NTM: variants seen among roughly 807,000 people sequenced by gnomAD.
NTM encodes neurotrimin.
A neutral mutation model predicts 42.1 loss-of-function variants in NTM; 13 were observed. That is an observed-to-expected ratio of 0.31 (90% CI 0.20 to 0.49). The LOEUF is 0.49. NTM is among the 20% of genes least tolerant of loss of function. The pLI is 0.99. For synonymous variants in NTM, 187 were observed against 179.2 expected (o/e 1.04, Z -0.35); for missense variants, 373 against 452.8 (o/e 0.82, Z 1.60).
rs149063267 is a variant in NTM at position 131,689,930 on chromosome 11, C to G, written c.83-221634C>G. ...TTCTCATTTACACAGTTGGCTCCCT[C>G]GTCCACATATGATGAAATTCTATGG... On this transcript the variant is annotated intron_variant, in intron 1 of 8. Coordinates refer to ENST00000683400, the MANE Select transcript of NTM (RefSeq NM_001352005.2). Among the ~76,000 whole-genome samples the G allele has an allele frequency of 1.1e-3, 174 of 152,280 alleles. 4 individuals are homozygous for G. In the East Asian group the frequency reaches 0.03, roughly 26 times the overall value.
rs202113935 is a variant in NTM at position 132,103,355 on chromosome 11, G to A, written c.168-42927G>A. Among the ~76,000 whole-genome samples the A allele has an allele frequency of 4.6e-5, 7 of 152,296 alleles. No individual in the cohort carries two copies. In the East Asian group the frequency reaches 7.7e-4, roughly 17 times the overall value. On this transcript the variant is annotated intron_variant, in intron 2 of 8. Coordinates refer to ENST00000683400, the MANE Select transcript of NTM (RefSeq NM_001352005.2). Reference sequence around the variant, plus strand: ...CAGCCAATTTTCCCTTTGCTATTGCGCTGGCATTTCTAATCTCGGGCATTT... The same window carrying A: ...CAGCCAATTTTCCCTTTGCTATTGCACTGGCATTTCTAATCTCGGGCATTT...
chr11:132,223,144 A>G (rs2138890973), intron 4 of NTM, among the ~76,000 whole-genome samples: 1 of 152,340 alleles, frequency 6.6e-6, no homozygotes, highest in African/African-American at 2.4e-5. Context: ...TTATTTGTTC[A>G]GTAATTGTTT....
At chr11:131,779,686 A>G (rs1222567129) in intron 1 of NTM, among the ~76,000 whole-genome samples, 1 of 152,194 alleles carries the variant, frequency 6.6e-6, no homozygotes, top group African/African-American at 2.4e-5. Context: ...ACACAAGAAA[A>G]GATTCTACTA....
At chr11:131,861,557 G>A (rs1019977262) in intron 1 of NTM, among the ~76,000 whole-genome samples, 2 of 152,102 alleles carry the variant, frequency 1.3e-5, no homozygotes, top group East Asian at 1.9e-4. Flanking sequence ...AAGTCTCACC[G>A]GGTTACATTT....
At chr11:131,724,303 T>C (rs1396743204) in intron 1 of NTM, among the ~76,000 whole-genome samples, 2 of 151,986 alleles carry the variant, frequency 1.3e-5, no homozygotes, top group Non-Finnish European at 2.9e-5. Context: ...GAAGTAAAAT[T>C]ATTATTATTT....
intron 1 of NTM, among the ~76,000 whole-genome samples, chr11:131,617,282 C>G (rs1439699338): frequency 2.6e-5 from 4 of 152,206 alleles, no homozygotes; most frequent in Middle Eastern, 3.4e-3. Flanking sequence ...ACAAACCCAT[C>G]ATGTCACAGG....
chr11:132,032,809 A>C (rs930107899), intron 2 of NTM, among the ~76,000 whole-genome samples: 1 of 152,200 alleles, frequency 6.6e-6, no homozygotes, highest in Admixed American at 6.5e-5. Flanking sequence ...GTATTCTGCC[A>C]ACATTTTATT....
intron 1 of NTM, chr11:131,534,528 TG>T (rs2051835888): frequency 6.6e-6 from 1 of 152,218 alleles, no homozygotes; most frequent in Admixed American, 6.5e-5. Flanking sequence ...TAGGGCAGGA[TG>T]TGAGACAGTC....
At chr11:131,766,216 G>T (rs2085070359) in intron 1 of NTM, among the ~76,000 whole-genome samples, 1 of 152,176 alleles carries the variant, frequency 6.6e-6, no homozygotes, top group South Asian at 2.1e-4. Flanking sequence ...TGCCCTTTGG[G>T]TTTAAATAGT....
intron 1 of NTM, among the ~76,000 whole-genome samples, chr11:131,428,540 C>T (rs760710197): frequency 2.0e-5 from 3 of 152,126 alleles, no homozygotes; most frequent in South Asian, 2.1e-4. Flanking sequence ...GCCACCTCCT[C>T]GTGGTCACTC....
intron 1 of NTM, among the ~76,000 whole-genome samples, chr11:131,424,311 C>G (rs1380578815): frequency 1.3e-5 from 2 of 152,138 alleles, no homozygotes; most frequent in African/African-American, 4.8e-5. Flanking sequence ...CTGCCAGGAG[C>G]TCAGTGCCAC....
At chr11:131,884,363 C>A (rs190177116) in intron 1 of NTM, among the ~76,000 whole-genome samples, 3 of 152,088 alleles carry the variant, frequency 2.0e-5, no homozygotes, top group South Asian at 2.1e-4. Context: ...GAGCAGAGAT[C>A]GCGCTATTGC....
chr11:131,883,586 C>T (rs906030730), intron 1 of NTM, among the ~76,000 whole-genome samples: 7 of 152,220 alleles, frequency 4.6e-5, no homozygotes, highest in South Asian at 2.1e-4. Context: ...TTTCTTTTTG[C>T]GACACAACTA....
chr11:132,310,077 T>TG lies in NTM; in HGVS notation c.662-28dup, dbSNP rs746815206. 4.6e-4 allele frequency: 617 copies of TG among 1,349,790 alleles called. 1 individual carries two copies. The highest frequency in any genetic ancestry group is 1.6e-3 in the Middle Eastern group (6 of 3,672). The allele number at this position is 1,349,790 out of a possible 1,614,324, so 83.6% of individuals were successfully genotyped here. A position where few individuals can be genotyped will look rare whatever the true frequency, so the allele number is the denominator to read the frequency against. On this transcript the variant is annotated intron_variant, in intron 5 of 8. Transcript: ENST00000683400. ...ATCTCAAAAAAAAAAAAAAAAAAGG[T>TG]GGGGGGGCGGCTATGAGACATCTTC...
At position 132,212,491 on chromosome 11, in the gene NTM, T is replaced by C. The variant is rs574909246; in HGVS notation, c.526+344T>C. 2.9e-4 allele frequency among the ~76,000 whole-genome samples: 44 copies of C among 152,312 alleles called. 1 individual carries two copies. In the South Asian group the frequency reaches 8.1e-3, roughly 28 times the overall value. Reference sequence around the variant, plus strand: ...AATTGTTCAGCTGGTTGTTTTAAAATAGAGAAAACACATAATGATGGGTGA... The same window carrying C: ...AATTGTTCAGCTGGTTGTTTTAAAACAGAGAAAACACATAATGATGGGTGA... On this transcript the variant is annotated intron_variant, in intron 4 of 8. Coordinates refer to ENST00000683400, the MANE Select transcript of NTM (RefSeq NM_001352005.2).
intron 4 of NTM, among the ~76,000 whole-genome samples, chr11:132,299,145 AT>A (rs2094739338): frequency 6.6e-6 from 1 of 152,096 alleles, no homozygotes; most frequent in South Asian, 2.1e-4. Flanking sequence ...AATAAAAAAA[AT>A]TAGCTGGGCG....
intron 1 of NTM, among the ~76,000 whole-genome samples, chr11:131,853,126 C>T (rs759312063): frequency 6.6e-5 from 10 of 152,022 alleles, no homozygotes; most frequent in Non-Finnish European, 1.2e-4. Context: ...ACTGTATGCC[C>T]AGAACTATAC....
chr11:132,211,412 A>C (rs926301987), intron 3 of NTM, among the ~76,000 whole-genome samples: 3 of 152,212 alleles, frequency 2.0e-5, no homozygotes, highest in Non-Finnish European at 4.4e-5. Flanking sequence ...AATAAAAATG[A>C]AAACGAGAAT....
chr11:132,334,859 A>AGT, intron 8 of NTM, 187 bp from the exon 9 acceptor site: 2 of 483,344 alleles, frequency 4.1e-6, no homozygotes, highest in Non-Finnish European at 5.4e-6. Context: ...CCCGTTATCT[A>AGT]GTGTGTGTGT....
Sources: gnomAD v4.1 joint callset for allele counts (sites outside exome capture counted in the v4.1 genomes callset) on GRCh38, gnomAD v4.1.1 for gene constraint, MANE v1.5 for transcripts, NCBI Gene and HGNC (gene_info 2026-07-23, HGNC 2026-07-21) for gene names.